Variants in GGA2 observed in about 807,000 individuals in gnomAD.
GGA2 encodes the protein golgi associated, gamma adaptin ear containing, ARF binding protein 2, also known as ADP-ribosylation factor-binding protein GGA2.
Under a neutral mutation model 79.5 loss-of-function variants are expected in GGA2, and 48 were observed. The observed-to-expected ratio is 0.60, with a 90% CI of 0.48 to 0.77. The LOEUF is 0.77. Ranked by LOEUF, GGA2 falls within the 30% of genes least tolerant of loss-of-function variation. The pLI, the probability that GGA2 is intolerant of heterozygous loss-of-function variation, is 0.00. For missense variants in GGA2, 770 were observed against 774.0 expected, an observed-to-expected ratio of 0.99 and a Z score of 0.06; for synonymous variants, 317 against 302.0, an observed-to-expected ratio of 1.05 and a Z score of -0.51.
intron 1 of GGA2, among the ~76,000 whole-genome samples, chr16:23,505,130 C>T (rs1171490815): frequency 6.6e-6 from 1 of 152,182 alleles, no homozygotes; most frequent in Non-Finnish European, 1.5e-5. Flanking sequence ...CTGGGAGGGA[C>T]ACGTGGACCC....
intron 12 of GGA2, 135 bp downstream of exon 12, chr16:23,478,748 C>CTTT: frequency 1.3e-6 from 1 of 771,090 alleles, no homozygotes; most frequent in Non-Finnish European, 2.3e-6. Context: ...GAGGAAGAGG[C>CTTT]TTTGGACCTC....
chr16:23,489,649 T>C (rs1266770682), intron 5 of GGA2, among the ~76,000 whole-genome samples: 3 of 152,140 alleles, frequency 2.0e-5, no homozygotes, highest in Non-Finnish European at 4.4e-5. Context: ...GCAATACCAA[T>C]AGTAACAACT....
upstream of GGA2, among the ~76,000 whole-genome samples, chr16:23,512,003 A>G (rs1965071240): frequency 6.6e-6 from 1 of 152,028 alleles, no homozygotes; most frequent in South Asian, 2.1e-4. Flanking sequence ...GAGACTTCTC[A>G]AAGACAAAGA....
chr16:23,501,096 A>G (rs953410881), intron 1 of GGA2: 8 of 383,962 alleles, frequency 2.1e-5, no homozygotes, highest in Admixed American at 2.0e-4. Flanking sequence ...TGACAAGCCA[A>G]TACACCCACT....
chr16:23,472,977 G>A (rs1331537661), intron 14 of GGA2, among the ~76,000 whole-genome samples: 2 of 142,562 alleles, frequency 1.4e-5, no homozygotes, highest in Non-Finnish European at 3.0e-5. Context: ...AGCTTGCAGT[G>A]AGCCGAGATC....
chr16:23,485,485 T>C (rs1184089424), intron 8 of GGA2, among the ~76,000 whole-genome samples: 2 of 152,198 alleles, frequency 1.3e-5, no homozygotes, highest in Non-Finnish European at 2.9e-5. Flanking sequence ...ACAAGTTAAA[T>C]ATATACTTAG....
At chr16:23,497,294 T>C (rs1011535785) in intron 1 of GGA2, among the ~76,000 whole-genome samples, 112 of 152,316 alleles carry the variant, frequency 7.4e-4, no homozygotes, top group African/African-American at 2.6e-3. Context: ...GTGTCCACTC[T>C]GTTCCTCTCA....
intron 5 of GGA2, among the ~76,000 whole-genome samples, chr16:23,489,447 C>T (rs1036340490): frequency 4.6e-5 from 7 of 152,104 alleles, no homozygotes; most frequent in African/African-American, 1.7e-4. Flanking sequence ...CGCTATGTTG[C>T]CCAGGCTGGT....
chr16:23,511,357 C>T (rs530734785), upstream of GGA2, among the ~76,000 whole-genome samples: 10 of 150,998 alleles, frequency 6.6e-5, no homozygotes, highest in Middle Eastern at 3.4e-3. Context: ...AACGAGGGTT[C>T]ACTATGTTGG....
intron 4 of GGA2, among the ~76,000 whole-genome samples, chr16:23,492,361 AG>A (rs942812140): frequency 2.0e-5 from 3 of 152,142 alleles, no homozygotes; most frequent in African/African-American, 4.8e-5. Flanking sequence ...TGGGGCGGGC[AG>A]GGGGGTGTGA....
rs1427211779 is a variant in GGA2, at chr16:23,465,602, G to C, written c.*1988C>G. 4 of 599,478 alleles carry C rather than the reference G, an allele frequency of 6.7e-6. No individual in the cohort carries two copies. Among genetic ancestry groups the C allele is most frequent in the Non-Finnish European group, 1.2e-5 (4 of 335,746 alleles). 37.1% of individuals were successfully genotyped at this position (599,478 alleles called of 1,614,324 possible). The stretch of plus-strand genomic sequence containing the variant: ...CTTCAGAGGGAGATGCTGTCATTAT[G>C]ATGGGTACCTCTTCAAGACTACGCA... On this transcript the variant is annotated 3_prime_UTR_variant, in exon 17 of 17. Coordinates refer to ENST00000309859, the MANE Select transcript of GGA2 (RefSeq NM_015044.4).
At chr16:23,513,116 T>C (rs1397567301), upstream of GGA2, among the ~76,000 whole-genome samples, 1 of 152,200 alleles carries the variant, frequency 6.6e-6, no homozygotes, top group East Asian at 1.9e-4. Context: ...AGTCTCCACA[T>C]GCTACAGGGG....
chr16:23,521,403 A>AT (rs563341460), intron 1 of GGA2, among the ~76,000 whole-genome samples: 125 of 144,022 alleles, frequency 8.7e-4, no homozygotes, highest in East Asian at 1.6e-3. Flanking sequence ...TATTTTATTC[A>AT]TTTTTTTTTT....
intron 8 of GGA2, among the ~76,000 whole-genome samples, chr16:23,485,627 C>G (rs913122893): frequency 6.6e-6 from 1 of 152,190 alleles, no homozygotes; most frequent in Non-Finnish European, 1.5e-5. Context: ...CAAGGCCCAT[C>G]AACAGGTACA....
chr16:23,507,675 C>T (rs183816356), intron 1 of GGA2, among the ~76,000 whole-genome samples: 5 of 152,066 alleles, frequency 3.3e-5, no homozygotes, highest in Admixed American at 2.6e-4. Context: ...TGGCGTGTGC[C>T]CGTAATCCCA....
At chr16:23,520,792 T>C (rs572929052) in intron 1 of GGA2, among the ~76,000 whole-genome samples, 2 of 152,124 alleles carry the variant, frequency 1.3e-5, no homozygotes, top group East Asian at 1.9e-4. Context: ...TTCGCTTTTT[T>C]ATTAATTTCT....
upstream of GGA2, among the ~76,000 whole-genome samples, chr16:23,514,819 C>T (rs1965093960): frequency 6.6e-6 from 1 of 152,052 alleles, no homozygotes; most frequent in Non-Finnish European, 1.5e-5. Flanking sequence ...AGATGTCCCA[C>T]AACATCTAGA....
At chr16:23,475,432 C>T (rs145336958) in intron 13 of GGA2, among the ~76,000 whole-genome samples, 2,550 of 151,766 alleles carry the variant, frequency 0.017, 47 homozygotes, top group Non-Finnish European at 0.024. Flanking sequence ...TCAGGTGATC[C>T]GTCCGCCTCG....
Position 23,510,464 on chromosome 16 carries a change from T to C in GGA2, c.-53A>G, listed in dbSNP as rs1965029124. ...GGCGCCACTGCCTCTTCAGCCGCTG[T>C]AGCGTCCTGGCGCTCTCCTCTGCTG... On this transcript the variant is annotated 5_prime_UTR_variant, in exon 1 of 17. Transcript: ENST00000309859. 3.1e-6 allele frequency: 2 copies of C among 643,322 alleles called. No individual in the cohort carries two copies. Among genetic ancestry groups the C allele is most frequent in the East Asian group, 7.1e-5 (2 of 28,342 alleles). 39.9% of individuals were successfully genotyped at this position (643,322 alleles called of 1,614,324 possible). A position where few individuals can be genotyped will look rare whatever the true frequency, so the allele number is the denominator to read the frequency against.
Sources: allele counts gnomAD v4.1 joint callset (sites outside exome capture counted in the v4.1 genomes callset), GRCh38; gene constraint gnomAD v4.1.1; transcripts MANE v1.5; gene names NCBI Gene and HGNC (gene_info 2026-07-23, HGNC 2026-07-21).